The following PTBP1 variants were observed in gnomAD, a reference collection of about 807,000 sequenced individuals.
The protein encoded by PTBP1 is polypyrimidine tract binding protein 1.
PTBP1 carries 8 observed loss-of-function variants against 59.8 expected under a neutral mutation model. The ratio of observed to expected loss-of-function variants is 0.13; its 90% CI spans 0.08 to 0.24. PTBP1 has a LOEUF of 0.24. Ranked by LOEUF, PTBP1 falls within the 10% of genes least tolerant of loss-of-function variation. The pLI, the probability that PTBP1 is intolerant of heterozygous loss-of-function variation, is 1.00. For missense variants in PTBP1, 686 were observed against 767.0 expected (o/e 0.89, Z 1.25); for synonymous variants, 490 against 320.7 (o/e 1.53, Z -5.64).
intron 1 of PTBP1, among the ~76,000 whole-genome samples, chr19:799,082 T>A (rs568572039): frequency 4.4e-4 from 67 of 152,342 alleles, no homozygotes; most frequent in African/African-American, 1.6e-3. Context: ...TTGAACCCTC[T>A]CAGCGGCATC....
rs1171742189 is a variant in PTBP1 at position 811,633 on chromosome 19, A to AT, written c.*809dup. ...TGTTACTTTTATTTTATTCCTTGTA[A>AT]TTAAGTCACAGGCAGGACCCAGTTT... On this transcript the variant is annotated 3_prime_UTR_variant, in exon 15 of 15. Transcript: ENST00000356948. 6.6e-6 allele frequency: 1 copy of AT among 152,334 alleles called. No homozygotes were observed. The highest frequency in any genetic ancestry group is 1.5e-5 in the Non-Finnish European group (1 of 68,032). The allele number at this position is 152,334 out of a possible 1,614,324, so 9.4% of individuals were successfully genotyped here. A position where few individuals can be genotyped will look rare whatever the true frequency, so the allele number is the denominator to read the frequency against.
chr19:810,196 AC>A (rs1434284922), intron 13 of PTBP1, among the ~76,000 whole-genome samples: 55 of 152,330 alleles, frequency 3.6e-4, no homozygotes, highest in Non-Finnish European at 6.0e-4. Flanking sequence ...AATCCCAGCT[AC>A]TTGGGAGACT....
intron 2 of PTBP1, among the ~76,000 whole-genome samples, chr19:802,826 T>C (rs532567165): frequency 3.3e-5 from 5 of 152,210 alleles, no homozygotes; most frequent in African/African-American, 1.2e-4. Flanking sequence ...TTCTTAGAAG[T>C]TGATCCAATT....
chr19:810,271 G>A (rs2034794060), intron 13 of PTBP1, among the ~76,000 whole-genome samples: 1 of 152,152 alleles, frequency 6.6e-6, no homozygotes, highest in East Asian at 1.9e-4. Context: ...ACGCCACTGT[G>A]CTCCCGCCTG....
At chr19:800,725 C>CT (rs1365769188) in intron 2 of PTBP1, among the ~76,000 whole-genome samples, 4 of 152,200 alleles carry the variant, frequency 2.6e-5, no homozygotes, top group African/African-American at 9.7e-5. Flanking sequence ...GGGAGAGGTA[C>CT]TTTCATCTGA....
chr19:803,217 C>T (rs533315561), intron 2 of PTBP1, among the ~76,000 whole-genome samples: 10 of 152,210 alleles, frequency 6.6e-5, no homozygotes, highest in East Asian at 1.9e-4. Context: ...TGCCCAGGGC[C>T]GCTGGCAGCA....
At chr19:804,008 C>A (rs750144298) in intron 3 of PTBP1, 28 bp from the exon 4 acceptor site, 1 of 1,613,316 alleles carries the variant, frequency 6.2e-7, no homozygotes, top group South Asian at 1.1e-5. Flanking sequence ...CGAGTTGGTG[C>A]CTGCATCTCA....
Position 804,356 on chromosome 19 carries a change from C to A in PTBP1, c.353C>A (p.Thr118Asn). 1 of 1,613,374 alleles carries A rather than the reference C, an allele frequency of 6.2e-7. No individual in the cohort carries two copies. Among genetic ancestry groups the A allele is most frequent in the South Asian group, 1.1e-5 (1 of 91,070 alleles). ...ATGGTGAACTACTACACCTCGGTGACCCCTGTGCTGCGCGGCCAGCCCATC... is the reference window on the plus strand; with the variant it reads ...ATGGTGAACTACTACACCTCGGTGAACCCTGTGCTGCGCGGCCAGCCCATC... ...NTMVNYYTSV[T>N]PVLRGQPIYI... The change falls in exon 5 of 15, where the codon ACC becomes AAC. Residue 118 changes from threonine (T) to asparagine (N), a missense_variant. Thr to Asn is a moderately conservative substitution (Grantham distance 65, BLOSUM62 0). Transcript: ENST00000356948.
At chr19:797,797 C>G (rs1033002183) in intron 1 of PTBP1, among the ~76,000 whole-genome samples, 15 of 148,514 alleles carry the variant, frequency 1.0e-4, no homozygotes, top group Admixed American at 7.3e-4. Context: ...CCCCGCACTT[C>G]GCCTTTGCCC....
chr19:800,255 C>T (rs1425922664), intron 2 of PTBP1, among the ~76,000 whole-genome samples: 1 of 152,030 alleles, frequency 6.6e-6, no homozygotes, highest in Non-Finnish European at 1.5e-5. Context: ...TCTTTGATGG[C>T]ATCTGGTTAG....
rs767050320 is a variant in PTBP1, at chr19:811,375, C to G, written c.*549C>G. 2 of 151,484 alleles carry G rather than the reference C, an allele frequency of 1.3e-5. No homozygotes were observed. Among genetic ancestry groups the G allele is most frequent in the African/African-American group, 4.9e-5 (2 of 40,506 alleles). The allele number at this position is 151,484 out of a possible 1,614,324, so 9.4% of individuals were successfully genotyped here. On this transcript the variant is annotated 3_prime_UTR_variant, in exon 15 of 15. Transcript: ENST00000356948. ...CACCCCGCCCCCAGGGCCTTCCCTT[C>G]TGCCCCCAGGCGGGCTCCCCGCTGC...
At position 808,230 on chromosome 19, in the gene PTBP1, C is replaced by T. The variant is rs937064784; in HGVS notation, c.1154-130C>T. The T allele has an allele frequency of 1.7e-5, 13 of 766,104 alleles. No homozygotes were observed. Among genetic ancestry groups the T allele is most frequent in the African/African-American group, 8.7e-5 (5 of 57,514 alleles). 47.5% of individuals were successfully genotyped at this position (766,104 alleles called of 1,614,324 possible). On this transcript the variant is annotated intron_variant, in intron 11 of 14. Coordinates refer to ENST00000356948, the MANE Select transcript of PTBP1 (RefSeq NM_002819.5). This position sits in a 1 kb window ranked among gnomAD's most constrained non-coding sequence, Gnocchi z 4.7. ...GCCCTGTGGCTGCGAGACGCAGCTC[C>T]GCAGTGGCCGATAAAGCAAACCCGG...
intron 9 of PTBP1, chr19:805,786 C>G (rs187304742): frequency 1.7e-6 from 1 of 576,566 alleles, no homozygotes; most frequent in Admixed American, 3.1e-5. Context: ...CGGCGCCAGC[C>G]AGAAGCCGCT....
At position 804,631 on chromosome 19, in the gene PTBP1, G is replaced by C. The variant is rs761475271; in HGVS notation, c.535G>C (p.Gly179Arg). 6.2e-7 allele frequency: 1 copy of C among 1,612,672 alleles called. No individual in the cohort carries two copies. Among genetic ancestry groups the C allele is most frequent in the Non-Finnish European group, 8.5e-7 (1 of 1,179,802 alleles). ...CGTGGACGCAGGGATGGCGATGGCC[G>C]GGCAGAGCCCCGTGCTCAGGATCAT... is the stretch of plus-strand genomic sequence containing the variant. ...AAVDAGMAMA[G>R]QSPVLRIIVE... Residue 179 changes from glycine to arginine, a missense_variant, in exon 6 of 15, where the codon GGG (glycine) becomes CGG (arginine). By Grantham distance (125) the Gly-to-Arg change is moderately radical (BLOSUM62 -2). Coordinates refer to ENST00000356948, the MANE Select transcript of PTBP1 (RefSeq NM_002819.5).
Position 810,849 on chromosome 19 carries a change from G to C in PTBP1, c.*23G>C. The stretch of plus-strand genomic sequence containing the variant: ...TAGGGGCACAGGCCCCCACGGCCGG[G>C]CCCCCTGGCGACAACTTCCATCATT... On this transcript the variant is annotated 3_prime_UTR_variant, in exon 15 of 15. Coordinates refer to ENST00000356948, the MANE Select transcript of PTBP1 (RefSeq NM_002819.5). 1 of 1,507,926 alleles carries C rather than the reference G, an allele frequency of 6.6e-7. No individual in the cohort carries two copies. The highest frequency in any genetic ancestry group is 8.8e-7 in the Non-Finnish European group (1 of 1,136,092). The allele number at this position is 1,507,926 out of a possible 1,614,324, so 93.4% of individuals were successfully genotyped here.
intron 2 of PTBP1, 122 bp downstream of exon 2, chr19:799,565 C>T (rs2034240987): frequency 4.1e-6 from 4 of 972,440 alleles, no homozygotes; most frequent in Non-Finnish European, 6.7e-6. Context: ...GGGGCACTAC[C>T]CTTGGTCTGG....
intron 2 of PTBP1, among the ~76,000 whole-genome samples, chr19:801,724 C>T (rs545288877): frequency 6.6e-6 from 1 of 152,338 alleles, no homozygotes; most frequent in South Asian, 2.1e-4. Flanking sequence ...CCCTGCGTCT[C>T]AGGTGCACCC....
At chr19:803,456 G>A in intron 2 of PTBP1, 105 bp from the exon 3 acceptor site, 1 of 926,834 alleles carries the variant, frequency 1.1e-6, no homozygotes, top group African/African-American at 1.6e-5. Flanking sequence ...ATGGGTTGGG[G>A]GTCTGGGACC....
In PTBP1 at chr19:804,190, G is replaced by A. The variant is rs1378872738; in HGVS notation, c.270G>A (p.Met90Ile). ...LPFGKVTNLL[M>I]LKGKNQAFIE... The stretch of plus-strand genomic sequence containing the variant: ...TTGGGAAGGTCACCAACCTCCTGAT[G>A]CTGAAGGGGAAAAACCAGGTACCTG... The change falls in exon 4 of 15, where the codon ATG (methionine) becomes ATA (isoleucine). Residue 90 changes from methionine to isoleucine, a missense_variant. Met to Ile is a conservative substitution (Grantham distance 10). Transcript: ENST00000356948. 1 of 1,608,206 alleles carries A rather than the reference G, an allele frequency of 6.2e-7. No homozygotes were observed. The highest frequency in any genetic ancestry group is 8.5e-7 in the Non-Finnish European group (1 of 1,176,072).
Sources: gnomAD v4.1 joint callset for allele counts (sites outside exome capture counted in the v4.1 genomes callset) on GRCh38, gnomAD v4.1.1 for gene constraint, Gnocchi (gnomAD v3.1) non-coding constraint, MANE v1.5 for transcripts, NCBI Gene and HGNC (gene_info 2026-07-23, HGNC 2026-07-21) for gene names.